Variants in OSBPL10 observed in about 807,000 individuals in gnomAD.
OSBPL10 encodes oxysterol binding protein like 10, also known as oxysterol-binding protein-related protein 10.
In OSBPL10, 49 loss-of-function variants were observed where a neutral mutation model predicts 81.7. The observed-to-expected ratio is 0.60, with a 90% confidence interval of 0.48 to 0.76. The LOEUF (loss-of-function observed/expected upper bound fraction) is 0.76. Ranked by LOEUF, OSBPL10 falls within the 30% of genes least tolerant of loss-of-function variation. The pLI, the probability that OSBPL10 is intolerant of heterozygous loss-of-function variation, is 0.00. For synonymous variants in OSBPL10, 419 were observed against 383.6 expected, an observed-to-expected ratio of 1.09 and a Z score of -1.08; for missense variants, 923 against 987.8, an observed-to-expected ratio of 0.93 and a Z score of 0.88.
intron 4 of OSBPL10, among the ~76,000 whole-genome samples, chr3:31,805,257 G>A (rs1297414696): frequency 1.3e-5 from 2 of 152,090 alleles, no homozygotes; most frequent in African/African-American, 4.8e-5. Flanking sequence ...AACCCTTTCT[G>A]AGAATTTGCA....
At chr3:31,699,328 T>C (rs1382223222) in intron 7 of OSBPL10, among the ~76,000 whole-genome samples, 1 of 152,164 alleles carries the variant, frequency 6.6e-6, no homozygotes, top group African/African-American at 2.4e-5. Context: ...CACTCCAGGT[T>C]CAATGGAGCC....
Position 32,058,506 on chromosome 3 carries a change from C to T in OSBPL10, n.186-11903G>A, listed in dbSNP as rs912121184. Among the ~76,000 whole-genome samples, 14 of 152,040 alleles carry T rather than the reference C, an allele frequency of 9.2e-5. No individual in the cohort carries two copies. The Middle Eastern group carries it at 0.01, about 111-fold the overall frequency. On this transcript the variant is annotated intron_variant and non_coding_transcript_variant, in intron 1 of 3. Transcript: ENST00000479173. ...CCACACCTGGCTAATTTTGTATTTT[C>T]AGTAGAGATGGGGTTTCACCATGTT...
chr3:31,885,995 C>CAAAAAAAAAAAAA (rs397957994), intron 1 of OSBPL10, among the ~76,000 whole-genome samples: 5 of 62,480 alleles, frequency 8.0e-5, no homozygotes, highest in Non-Finnish European at 1.1e-4. Flanking sequence ...AACTCCATCT[C>CAAAAAAAAAAAAA]AAAAAAAAAA....
intron 7 of OSBPL10, among the ~76,000 whole-genome samples, chr3:31,688,279 T>TCA (rs879415490): frequency 0.054 from 4,194 of 77,486 alleles, 167 homozygotes; most frequent in African/African-American, 0.1. Context: ...TCTCTCTCTC[T>TCA]CTCTCACACA....
intron 2 of OSBPL10, among the ~76,000 whole-genome samples, chr3:32,016,324 T>G (rs1699312732): frequency 6.6e-6 from 1 of 152,136 alleles, no homozygotes; most frequent in Non-Finnish European, 1.5e-5. Flanking sequence ...GAAACCATCA[T>G]TCTCAGCAAA....
At position 31,730,335 on chromosome 3, in the gene OSBPL10, A is replaced by G. The variant is rs1330033941; in HGVS notation, c.1095+2922T>C. Reference sequence around the variant, plus strand: ...ACTCCAGCCTGGCCACAGAGCAAAAAAAAAATCTCCAAAAAAAGGGGGAAA... The same window carrying G: ...ACTCCAGCCTGGCCACAGAGCAAAAGAAAAATCTCCAAAAAAAGGGGGAAA... On this transcript the variant is annotated intron_variant, in intron 6 of 11. Transcript: ENST00000396556. Among the ~76,000 whole-genome samples, 3 of 151,714 alleles carry G rather than the reference A, an allele frequency of 2.0e-5. No homozygotes were observed. The East Asian group carries it at 5.8e-4, about 29-fold the overall frequency.
intron 2 of OSBPL10, among the ~76,000 whole-genome samples, chr3:32,000,252 C>T (rs1699132635): frequency 6.6e-6 from 1 of 152,166 alleles, no homozygotes; most frequent in African/African-American, 2.4e-5. Flanking sequence ...GACAGAATGA[C>T]ATGACAGAGT....
At chr3:31,819,125 G>A (rs1699921459) in intron 4 of OSBPL10, among the ~76,000 whole-genome samples, 1 of 152,214 alleles carries the variant, frequency 6.6e-6, no homozygotes, top group African/African-American at 2.4e-5. Flanking sequence ...CTTTGTTAGA[G>A]CTAGGGATGC....
At chr3:31,826,656 C>A (rs1317288452) in intron 4 of OSBPL10, among the ~76,000 whole-genome samples, 3 of 152,200 alleles carry the variant, frequency 2.0e-5, no homozygotes, top group African/African-American at 7.2e-5. Context: ...GGTTAAAAAT[C>A]CTATTCCATT....
chr3:31,776,074 G>A (rs1698540944), intron 4 of OSBPL10, among the ~76,000 whole-genome samples: 1 of 152,112 alleles, frequency 6.6e-6, no homozygotes, highest in Admixed American at 6.6e-5. Flanking sequence ...TGTGATGGCT[G>A]CCACCTTCTG....
At chr3:31,766,947 A>G (rs868742515) in intron 4 of OSBPL10, among the ~76,000 whole-genome samples, 1 of 152,266 alleles carries the variant, frequency 6.6e-6, no homozygotes, top group South Asian at 2.1e-4. Flanking sequence ...GTACAATCTC[A>G]TAATGAAAAG....
intron 1 of OSBPL10, among the ~76,000 whole-genome samples, chr3:31,903,793 T>C (rs1696323639): frequency 6.6e-6 from 1 of 152,156 alleles, no homozygotes; most frequent in Non-Finnish European, 1.5e-5. Flanking sequence ...TAAGAGTATA[T>C]AAAATCTTCT....
chr3:32,048,498 G>T (rs1455132861), intron 1 of OSBPL10, among the ~76,000 whole-genome samples: 2 of 152,032 alleles, frequency 1.3e-5, no homozygotes, highest in South Asian at 4.2e-4. Flanking sequence ...GTAGAGGCGG[G>T]GTTTCACCAT....
upstream of OSBPL10, among the ~76,000 whole-genome samples, chr3:31,982,505 G>C (rs1393882691): frequency 1.3e-5 from 2 of 152,034 alleles, no homozygotes; most frequent in Non-Finnish European, 1.5e-5. Flanking sequence ...ACAGTTCCCC[G>C]AGCCCAACCC....
intron 1 of OSBPL10, among the ~76,000 whole-genome samples, chr3:31,951,885 T>C (rs1697880412): frequency 6.6e-6 from 1 of 152,146 alleles, no homozygotes; most frequent in African/African-American, 2.4e-5. Flanking sequence ...CACCGTGCTA[T>C]ACTCTTAAGA....
At chr3:32,007,579 T>C (rs1448293769) in intron 2 of OSBPL10, among the ~76,000 whole-genome samples, 1 of 152,152 alleles carries the variant, frequency 6.6e-6, no homozygotes, top group African/African-American at 2.4e-5. Flanking sequence ...TCTCAACCTC[T>C]GTCTTCTCAC....
intron 4 of OSBPL10, among the ~76,000 whole-genome samples, chr3:31,788,965 T>C (rs1345578179): frequency 2.0e-5 from 3 of 152,034 alleles, no homozygotes; most frequent in African/African-American, 7.2e-5. Context: ...TTCTTTCTTT[T>C]TTTTTTTGGT....
At chr3:31,930,577 C>A (rs1011378941) in intron 1 of OSBPL10, among the ~76,000 whole-genome samples, 1 of 152,082 alleles carries the variant, frequency 6.6e-6, no homozygotes, top group Non-Finnish European at 1.5e-5. Context: ...GCATCCATAG[C>A]AGAATGATGA....
chr3:31,959,534 C>G (rs1698103510), intron 1 of OSBPL10, among the ~76,000 whole-genome samples: 1 of 152,156 alleles, frequency 6.6e-6, no homozygotes, highest in Non-Finnish European at 1.5e-5. Flanking sequence ...TTCGCCATCA[C>G]TCAAAGCAGC....
Sources: gnomAD v4.1 joint callset for allele counts (sites outside exome capture counted in the v4.1 genomes callset) on GRCh38, gnomAD v4.1.1 for gene constraint, MANE v1.5 for transcripts, NCBI Gene and HGNC (gene_info 2026-07-23, HGNC 2026-07-21) for gene names.